TMEM132D: variants seen among roughly 807,000 people sequenced by gnomAD.
The protein encoded by TMEM132D is mature OL transmembrane protein.
A neutral mutation model predicts 62.3 loss-of-function variants in TMEM132D; 21 were observed. The ratio of observed to expected loss-of-function variants is 0.34; its 90% CI spans 0.24 to 0.49. The LOEUF (loss-of-function observed/expected upper bound fraction) is 0.49. Ranked by LOEUF, TMEM132D falls within the 20% of genes least tolerant of loss-of-function variation. The probability of loss-of-function intolerance (pLI) is 0.99; values close to 1 mark genes in which losing one functional copy is unlikely to be tolerated. For missense variants in TMEM132D, 1,346 were observed against 1,402.8 expected (o/e 0.96, Z 0.65); for synonymous variants, 621 against 575.6 (o/e 1.08, Z -1.13).
intron 2 of TMEM132D, among the ~76,000 whole-genome samples, chr12:129,627,942 G>A (rs1427730807): frequency 3.3e-5 from 5 of 152,164 alleles, no homozygotes; most frequent in Admixed American, 1.3e-4. Flanking sequence ...AGCTGAGATC[G>A]CATCACTGTA....
At chr12:129,359,768 T>A (rs1593350581) in intron 3 of TMEM132D, among the ~76,000 whole-genome samples, 1 of 151,966 alleles carries the variant, frequency 6.6e-6, no homozygotes, top group East Asian at 1.9e-4. Flanking sequence ...CCACTGAGAA[T>A]GAATAAGTTT....
At chr12:129,287,995 GTTC>G (rs1881350674) in intron 4 of TMEM132D, among the ~76,000 whole-genome samples, 1 of 152,170 alleles carries the variant, frequency 6.6e-6, no homozygotes, top group African/African-American at 2.4e-5. Context: ...CTCTAGCTTT[GTTC>G]TTCTTTCTCA....
chr12:129,529,649 C>T (rs1362196195), intron 3 of TMEM132D, among the ~76,000 whole-genome samples: 1 of 152,114 alleles, frequency 6.6e-6, no homozygotes, highest in Non-Finnish European at 1.5e-5. Flanking sequence ...GATTCTTTCC[C>T]CTAAATTTAT....
intron 1 of TMEM132D, among the ~76,000 whole-genome samples, chr12:129,843,169 T>C (rs190575299): frequency 9.2e-5 from 14 of 152,284 alleles, no homozygotes; most frequent in Admixed American, 9.2e-4. Context: ...TACTTGCCCA[T>C]AGAGCCCACT....
chr12:129,613,784 T>C (rs947476889), intron 2 of TMEM132D, among the ~76,000 whole-genome samples: 1 of 149,870 alleles, frequency 6.7e-6, no homozygotes, highest in Non-Finnish European at 1.5e-5. Context: ...AAGGTGACTG[T>C]CTCCAGAACC....
At chr12:129,581,878 C>T (rs1277132725) in intron 2 of TMEM132D, among the ~76,000 whole-genome samples, 1 of 152,196 alleles carries the variant, frequency 6.6e-6, no homozygotes, top group Non-Finnish European at 1.5e-5. Context: ...AATTACCCTG[C>T]CACAGGTACT....
chr12:129,135,866 G>A (rs538710017), intron 5 of TMEM132D, among the ~76,000 whole-genome samples: 1 of 152,268 alleles, frequency 6.6e-6, no homozygotes, highest in African/African-American at 2.4e-5. Flanking sequence ...TTGTGTGGGT[G>A]TCTGTCTCTC....
At chr12:129,845,290 G>C (rs943378398) in intron 1 of TMEM132D, among the ~76,000 whole-genome samples, 1 of 152,166 alleles carries the variant, frequency 6.6e-6, no homozygotes, top group Non-Finnish European at 1.5e-5. Flanking sequence ...GCAGATTTAT[G>C]TTCCTGAGAA....
intron 1 of TMEM132D, among the ~76,000 whole-genome samples, chr12:129,813,095 A>G (rs1313749142): frequency 6.6e-6 from 1 of 151,716 alleles, no homozygotes; most frequent in African/African-American, 2.4e-5. Flanking sequence ...GTCATTCTTG[A>G]TTTCCTCCTT....
intron 3 of TMEM132D, among the ~76,000 whole-genome samples, chr12:129,419,494 A>G (rs1872232197): frequency 6.6e-6 from 1 of 151,700 alleles, no homozygotes; most frequent in Non-Finnish European, 1.5e-5. Context: ...AAACTTTAGC[A>G]GAAGGAGGAT....
At chr12:129,207,687 A>G (rs982175591) in intron 5 of TMEM132D, among the ~76,000 whole-genome samples, 1 of 152,180 alleles carries the variant, frequency 6.6e-6, no homozygotes, top group African/African-American at 2.4e-5. Context: ...TACAGCAGGT[A>G]TGGCTGCAAA....
intron 3 of TMEM132D, among the ~76,000 whole-genome samples, chr12:129,487,478 C>T (rs1874618087): frequency 6.6e-6 from 1 of 152,200 alleles, no homozygotes. Context: ...GGACATCAAT[C>T]ATCCTGCATT....
At chr12:129,305,237 A>C (rs561816551) in intron 4 of TMEM132D, among the ~76,000 whole-genome samples, 1 of 152,276 alleles carries the variant, frequency 6.6e-6, no homozygotes, top group East Asian at 1.9e-4. Flanking sequence ...ATGAACACAA[A>C]CTTCAAATGC....
chr12:129,440,345 T>C (rs528842062), intron 3 of TMEM132D, among the ~76,000 whole-genome samples: 12 of 152,296 alleles, frequency 7.9e-5, no homozygotes, highest in African/African-American at 1.9e-4. Context: ...AAAAGGCCAG[T>C]TCTGTTTCTC....
intron 3 of TMEM132D, among the ~76,000 whole-genome samples, chr12:129,357,199 A>T (rs1439087307): frequency 6.8e-6 from 1 of 147,066 alleles, no homozygotes; most frequent in Non-Finnish European, 1.5e-5. Flanking sequence ...GTGAGCTGAG[A>T]TTGTACCACT....
In TMEM132D at chr12:129,718,064, G is replaced by A. The variant is rs542862661; in HGVS notation, c.80-17366C>T. ...TTTCTTATGAGGGTAGCTCACTCCT[G>A]CTAGGGCCCCTGAGCAGCTCCAGGT... On this transcript the variant is annotated intron_variant, in intron 1 of 8. Coordinates refer to ENST00000422113, the MANE Select transcript of TMEM132D (RefSeq NM_133448.3). Among the ~76,000 whole-genome samples the A allele has an allele frequency of 7.2e-5, 11 of 152,336 alleles. No individual in the cohort carries two copies. The South Asian group carries it at 2.3e-3, about 32-fold the overall frequency.
intron 1 of TMEM132D, among the ~76,000 whole-genome samples, chr12:129,745,448 C>T (rs1439291571): frequency 6.6e-6 from 1 of 152,154 alleles, no homozygotes; most frequent in Admixed American, 6.5e-5. Context: ...TTATATCCAC[C>T]TTCTCATGAC....
chr12:129,348,076 G>A (rs1193514488), intron 3 of TMEM132D, among the ~76,000 whole-genome samples: 1 of 152,182 alleles, frequency 6.6e-6, no homozygotes, highest in African/African-American at 2.4e-5. Context: ...AGAGGATGTG[G>A]AGAAATAGGC....
chr12:129,405,610 T>G (rs79418408), intron 3 of TMEM132D, among the ~76,000 whole-genome samples: 4,020 of 152,084 alleles, frequency 0.026, 202 homozygotes, highest in African/African-American at 0.093. Context: ...TGGGAGGAGA[T>G]GATGAATAGC....
Sources: allele counts gnomAD v4.1 joint callset (sites outside exome capture counted in the v4.1 genomes callset), GRCh38; gene constraint gnomAD v4.1.1; transcripts MANE v1.5; gene names NCBI Gene and HGNC (gene_info 2026-07-23, HGNC 2026-07-21).